The following NRAP variants were observed in gnomAD, a reference collection of about 807,000 sequenced individuals.
NRAP encodes nebulin related anchoring protein.
NRAP carries 189 observed loss-of-function variants against 225.9 expected under a neutral mutation model. That is an observed-to-expected ratio of 0.84 (90% CI 0.74 to 0.94). NRAP has a LOEUF of 0.94. NRAP is among the 40% of genes least tolerant of loss of function. The probability of loss-of-function intolerance (pLI) is 0.00; values close to 1 mark genes in which losing one functional copy is unlikely to be tolerated. For missense variants in NRAP, 2,176 were observed against 2,168.7 expected (o/e 1.00, Z -0.07); for synonymous variants, 769 against 790.7 (o/e 0.97, Z 0.46).
chr10:113,642,088 T>C (rs1592838719), intron 12 of NRAP, among the ~76,000 whole-genome samples: 1 of 152,196 alleles, frequency 6.6e-6, no homozygotes, highest in Non-Finnish European at 1.5e-5. Context: ...TGGGAGGCCA[T>C]TGCATTTCTC....
chr10:113,606,207 C>T lies in NRAP; in HGVS notation c.3778G>A (p.Ala1260Thr), dbSNP rs1846955171. 6.2e-7 allele frequency: 1 copy of T among 1,614,096 alleles called. No homozygotes were observed. The highest frequency in any genetic ancestry group is 8.5e-7 in the Non-Finnish European group (1 of 1,179,930). The change falls in exon 33 of 42, where the codon GCA becomes ACA. Residue 1260 changes from alanine to threonine, a missense_variant. Ala to Thr is a moderately conservative substitution (Grantham distance 58). Transcript: ENST00000359988. The part of the protein sequence containing the change: ...MTLGLPEFIR[A>T]KTNAANLSDA... ...CTCAGGTTGGCTGCATTCGTTTTTGCTCGGATGAACTCGGGCAGACCCAGG... is the reference window on the plus strand; with the variant it reads ...CTCAGGTTGGCTGCATTCGTTTTTGTTCGGATGAACTCGGGCAGACCCAGG...
At chr10:113,606,065 C>T (rs1350872196) in intron 33 of NRAP, 113 bp downstream of exon 33, 8 of 867,926 alleles carry the variant, frequency 9.2e-6, no homozygotes, top group South Asian at 7.0e-5. Context: ...ATCTAAGCTA[C>T]ACATTTTAAA....
chr10:113,616,781 G>T (rs577456611), intron 26 of NRAP, among the ~76,000 whole-genome samples: 3 of 152,280 alleles, frequency 2.0e-5, no homozygotes, highest in South Asian at 4.2e-4. Flanking sequence ...AGCCAGGTTT[G>T]CCCTGCACAA....
chr10:113,628,786 T>C, intron 20 of NRAP, 131 bp downstream of exon 20: 1 of 608,390 alleles, frequency 1.6e-6, no homozygotes, highest in East Asian at 2.9e-5. Flanking sequence ...AGGTGTGAAA[T>C]GAAGTACTCC....
intron 35 of NRAP, among the ~76,000 whole-genome samples, chr10:113,600,319 G>A (rs911318399): frequency 6.6e-6 from 1 of 151,204 alleles, no homozygotes; most frequent in Admixed American, 6.6e-5. Flanking sequence ...CCACAGGTGT[G>A]CACCACCACA....
At position 113,620,670 on chromosome 10, in the gene NRAP, CA is replaced by C. The variant is rs1322722499; in HGVS notation, c.2807del (p.Met936ArgfsTer9). 1.2e-6 allele frequency: 2 copies of C among 1,613,340 alleles called. No individual in the cohort carries two copies. Among genetic ancestry groups the C allele is most frequent in the East Asian group, 4.5e-5 (2 of 44,868 alleles). On this transcript the variant is annotated frameshift_variant, in exon 25 of 42. Transcript: ENST00000359988. LOFTEE classifies it high-confidence loss of function. ...YRADVKWMKG[M>X]GWVATGSLNV... is the part of the protein sequence containing the mutation. Reference sequence around the variant, plus strand: ...TTAATGACCCGGTGGCGACCCAGCCCATGCCTTTCATCCACTTCACATCTGC... The same window carrying C: ...TTAATGACCCGGTGGCGACCCAGCCCTGCCTTTCATCCACTTCACATCTGC...
intron 11 of NRAP, among the ~76,000 whole-genome samples, chr10:113,643,897 C>A (rs1025252641): frequency 6.6e-6 from 1 of 152,034 alleles, no homozygotes; most frequent in Non-Finnish European, 1.5e-5. Flanking sequence ...TTCATCCCTT[C>A]AGTTACAGTA....
intron 31 of NRAP, among the ~76,000 whole-genome samples, chr10:113,608,737 AAGGG>A (rs1250407612): frequency 1.3e-5 from 2 of 152,338 alleles, no homozygotes; most frequent in Non-Finnish European, 1.5e-5. Context: ...CTAAATGGAA[AAGGG>A]AGATTTAGTC....
intron 14 of NRAP, among the ~76,000 whole-genome samples, chr10:113,637,113 T>G (rs1315106933): frequency 1.3e-5 from 2 of 152,120 alleles, no homozygotes; most frequent in Non-Finnish European, 2.9e-5. Context: ...TCCCTGAGTC[T>G]GGGTCTTGTA....
chr10:113,654,130 AAAGGAAGCACATG>A lies in NRAP; in HGVS notation c.361-18_361-6del. On this transcript the variant is annotated splice_region_variant and splice_polypyrimidine_tract_variant and intron_variant, in intron 4 of 41. Coordinates refer to ENST00000359988, the MANE Select transcript of NRAP (RefSeq NM_198060.4). ...ATATCCAGTCCAATAGGCTCTCTACAAAGGAAGCACATGAAGGGATACAAACACATGCCCCAGA... is the reference window on the plus strand; with the variant it reads ...ATATCCAGTCCAATAGGCTCTCTACAAAGGGATACAAACACATGCCCCAGA... 1 of 1,584,650 alleles carries A rather than the reference AAAGGAAGCACATG, an allele frequency of 6.3e-7. No homozygotes were observed.
At chr10:113,638,833 C>T (rs575917361) in intron 14 of NRAP, among the ~76,000 whole-genome samples, 52 of 152,272 alleles carry the variant, frequency 3.4e-4, no homozygotes, top group African/African-American at 1.2e-3. Context: ...GTGAACCCAC[C>T]TCTAAACTCA....
At chr10:113,655,514 G>A (rs562575097) in intron 4 of NRAP, among the ~76,000 whole-genome samples, 96 of 149,922 alleles carry the variant, frequency 6.4e-4, no homozygotes, top group Middle Eastern at 3.4e-3. Flanking sequence ...GGAGTGCAGT[G>A]GCACTATCTC....
chr10:113,600,486 C>G (rs989029025), intron 35 of NRAP, among the ~76,000 whole-genome samples: 2 of 152,112 alleles, frequency 1.3e-5, no homozygotes, highest in Admixed American at 6.6e-5. Context: ...GCCTAAGGAA[C>G]AGTTATTCCC....
chr10:113,644,762 G>A (rs554132778), intron 11 of NRAP, among the ~76,000 whole-genome samples: 12 of 152,296 alleles, frequency 7.9e-5, no homozygotes, highest in Admixed American at 5.9e-4. Context: ...TAGGGTAAAG[G>A]ACCAGCTTTT....
intron 3 of NRAP, among the ~76,000 whole-genome samples, chr10:113,659,625 G>A (rs1445355811): frequency 6.6e-6 from 1 of 152,178 alleles, no homozygotes; most frequent in Non-Finnish European, 1.5e-5. Flanking sequence ...GTGGGGTAAG[G>A]AAGCATGAAG....
intron 25 of NRAP, among the ~76,000 whole-genome samples, chr10:113,619,313 T>C (rs550663291): frequency 6.6e-6 from 1 of 152,312 alleles, no homozygotes; most frequent in East Asian, 1.9e-4. Context: ...TCCTCAAACC[T>C]AAATGTTTAT....
At chr10:113,655,746 G>A (rs2134189418) in intron 4 of NRAP, among the ~76,000 whole-genome samples, 2 of 152,170 alleles carry the variant, frequency 1.3e-5, no homozygotes, top group East Asian at 3.9e-4. Flanking sequence ...CATGGCACCT[G>A]GCCTTGTATA....
At chr10:113,654,966 G>A (rs1234559612) in intron 4 of NRAP, among the ~76,000 whole-genome samples, 1 of 152,234 alleles carries the variant, frequency 6.6e-6, no homozygotes, top group Non-Finnish European at 1.5e-5. Flanking sequence ...ACCATGAGGA[G>A]CTGGGTTTGA....
intron 35 of NRAP, among the ~76,000 whole-genome samples, chr10:113,602,331 G>A (rs116145740): frequency 1.3e-3 from 200 of 152,230 alleles, no homozygotes; most frequent in African/African-American, 4.6e-3. Context: ...CCTTCCTCAG[G>A]TGCCTGTTCT....
Sources: gnomAD v4.1 joint callset for allele counts (sites outside exome capture counted in the v4.1 genomes callset) on GRCh38, gnomAD v4.1.1 for gene constraint, MANE v1.5 for transcripts, NCBI Gene and HGNC (gene_info 2026-07-23, HGNC 2026-07-21) for gene names.